Variants in SLC24A3 observed in about 807,000 individuals in gnomAD.
SLC24A3 encodes the protein solute carrier family 24 member 3.
Under a neutral mutation model 75.8 loss-of-function variants are expected in SLC24A3, and 28 were observed. That is an observed-to-expected ratio of 0.37 (90% CI 0.27 to 0.51). SLC24A3 has a LOEUF of 0.51. Ranked by LOEUF, SLC24A3 falls within the 20% of genes least tolerant of loss-of-function variation. The probability of loss-of-function intolerance (pLI) is 0.94; values close to 1 mark genes in which losing one functional copy is unlikely to be tolerated. For missense variants in SLC24A3, 663 were observed against 847.8 expected (o/e 0.78, Z 2.71); for synonymous variants, 372 against 334.1 (o/e 1.11, Z -1.24).
intron 2 of SLC24A3, among the ~76,000 whole-genome samples, chr20:19,361,670 T>C (rs931925404): frequency 6.6e-6 from 1 of 152,240 alleles, no homozygotes; most frequent in Non-Finnish European, 1.5e-5. Context: ...TAAACAAATA[T>C]TGATATGATA....
intron 6 of SLC24A3, among the ~76,000 whole-genome samples, chr20:19,611,445 C>A (rs916475297): frequency 1.3e-5 from 2 of 152,204 alleles, no homozygotes; most frequent in African/African-American, 4.8e-5. Flanking sequence ...ACTCTCTAAG[C>A]AGAGTAGCCC....
chr20:19,483,992 G>T (rs913854968), intron 2 of SLC24A3, among the ~76,000 whole-genome samples: 1 of 152,182 alleles, frequency 6.6e-6, no homozygotes, highest in South Asian at 2.1e-4. Context: ...CCAAAAGAAT[G>T]TATATATCCA....
chr20:19,217,391 G>A (rs191382725), intron 1 of SLC24A3, among the ~76,000 whole-genome samples: 99 of 152,296 alleles, frequency 6.5e-4, no homozygotes, highest in African/African-American at 2.3e-3. Context: ...TTCCCAAGGT[G>A]GCTAAGGTGA....
chr20:19,707,515 G>A (rs908034802), intron 15 of SLC24A3, among the ~76,000 whole-genome samples: 1 of 152,186 alleles, frequency 6.6e-6, no homozygotes, highest in Non-Finnish European at 1.5e-5. Flanking sequence ...TTTTAGCAAG[G>A]CAATGGCATG....
chr20:19,504,485 C>T (rs959482200), intron 2 of SLC24A3, among the ~76,000 whole-genome samples: 1 of 152,184 alleles, frequency 6.6e-6, no homozygotes, highest in Non-Finnish European at 1.5e-5. Flanking sequence ...ATTTCAAGTG[C>T]ATTTTTTTTC....
chr20:19,541,710 T>C (rs565122805), intron 3 of SLC24A3, among the ~76,000 whole-genome samples: 1 of 152,344 alleles, frequency 6.6e-6, no homozygotes, highest in South Asian at 2.1e-4. Flanking sequence ...CCACCTGAGA[T>C]TGTAAAAACT....
intron 1 of SLC24A3, among the ~76,000 whole-genome samples, chr20:19,275,440 C>T (rs1983454787): frequency 1.3e-5 from 2 of 152,228 alleles, no homozygotes; most frequent in South Asian, 4.1e-4. Flanking sequence ...AACCTCTTAT[C>T]AGAGAGCAGG....
chr20:19,709,477 C>A (rs2032967107), intron 15 of SLC24A3, among the ~76,000 whole-genome samples: 1 of 152,028 alleles, frequency 6.6e-6, no homozygotes, highest in Admixed American at 6.6e-5. Flanking sequence ...CAAAAATTAG[C>A]CGAGCGTGGT....
At chr20:19,526,396 A>C (rs640553) in intron 3 of SLC24A3, among the ~76,000 whole-genome samples, 29,703 of 152,136 alleles carry the variant, frequency 0.2, 3,352 homozygotes, top group East Asian at 0.34. Flanking sequence ...TGAAGAAGAT[A>C]AAGTGTGTAA....
intron 3 of SLC24A3, among the ~76,000 whole-genome samples, chr20:19,530,138 G>T (rs2030270623): frequency 6.6e-6 from 1 of 152,110 alleles, no homozygotes; most frequent in Non-Finnish European, 1.5e-5. Flanking sequence ...CTCTGTGAAT[G>T]TATTCATATA....
At chr20:19,662,511 G>GA (rs1180147754) in intron 7 of SLC24A3, among the ~76,000 whole-genome samples, 1 of 152,238 alleles carries the variant, frequency 6.6e-6, no homozygotes, top group Non-Finnish European at 1.5e-5. Flanking sequence ...AAATGGACTT[G>GA]AACTGACTTC....
intron 3 of SLC24A3, among the ~76,000 whole-genome samples, chr20:19,527,635 C>G (rs1331378111): frequency 6.6e-6 from 1 of 152,194 alleles, no homozygotes; most frequent in Non-Finnish European, 1.5e-5. Flanking sequence ...TGCCCTGTCT[C>G]TCTAAGAGGT....
intron 6 of SLC24A3, among the ~76,000 whole-genome samples, chr20:19,619,223 T>C (rs759578514): frequency 3.3e-5 from 5 of 152,168 alleles, no homozygotes; most frequent in Non-Finnish European, 7.3e-5. Flanking sequence ...AAAAGCATTA[T>C]GGCTTTCTCC....
At chr20:19,596,445 A>G (rs896952334) in intron 6 of SLC24A3, among the ~76,000 whole-genome samples, 10 of 152,252 alleles carry the variant, frequency 6.6e-5, no homozygotes, top group African/African-American at 2.2e-4. Flanking sequence ...ACAAATCGCC[A>G]TGAGCAATTA....
intron 6 of SLC24A3, among the ~76,000 whole-genome samples, chr20:19,587,443 G>A (rs1318383745): frequency 6.6e-6 from 1 of 152,174 alleles, no homozygotes; most frequent in Non-Finnish European, 1.5e-5. Flanking sequence ...GTCTTTGCTG[G>A]CTCACCTCAC....
chr20:19,424,302 C>G (rs549842247), intron 2 of SLC24A3, among the ~76,000 whole-genome samples: 1 of 152,072 alleles, frequency 6.6e-6, no homozygotes, highest in African/African-American at 2.4e-5. Context: ...ACATGGATTC[C>G]CAACTTGTTA....
chr20:19,614,312 C>A (rs927114674), intron 6 of SLC24A3, among the ~76,000 whole-genome samples: 2 of 152,204 alleles, frequency 1.3e-5, no homozygotes, highest in African/African-American at 4.8e-5. Flanking sequence ...TGAGTTAATA[C>A]ACTCAGAGTA....
At chr20:19,406,746 G>A (rs1005107767) in intron 2 of SLC24A3, among the ~76,000 whole-genome samples, 22 of 152,172 alleles carry the variant, frequency 1.4e-4, no homozygotes, top group African/African-American at 5.1e-4. Context: ...CTATGCCCTC[G>A]GTGGCTGGTT....
At chr20:19,246,426 C>T (rs919500934) in intron 1 of SLC24A3, among the ~76,000 whole-genome samples, 2 of 151,824 alleles carry the variant, frequency 1.3e-5, no homozygotes, top group East Asian at 1.9e-4. Context: ...AAGCTTGATC[C>T]GCAAAAATGA....
Sources: allele counts gnomAD v4.1 joint callset (sites outside exome capture counted in the v4.1 genomes callset), GRCh38; gene constraint gnomAD v4.1.1; transcripts MANE v1.5; gene names NCBI Gene and HGNC (gene_info 2026-07-23, HGNC 2026-07-21).